Variants in PAX8 observed in about 807,000 individuals in gnomAD.
The protein encoded by PAX8 is paired box protein Pax-8.
PAX8 carries 15 observed loss-of-function variants against 52.4 expected under a neutral mutation model. That is an observed-to-expected ratio of 0.29 (90% CI 0.19 to 0.44). The LOEUF (loss-of-function observed/expected upper bound fraction) is 0.44. PAX8 is among the 20% of genes least tolerant of loss of function. PAX8 has a pLI of 1.00. For synonymous variants in PAX8, 284 were observed against 249.7 expected (o/e 1.14, Z -1.29); for missense variants, 554 against 602.5 (o/e 0.92, Z 0.84).
rs1689195432 is a variant in PAX8, at chr2:113,220,193, C to T, written c.1190-15G>A. On this transcript the variant is annotated splice_polypyrimidine_tract_variant and intron_variant, in intron 10 of 11. Transcript: ENST00000429538. ...GTATTCACTTCCTGTTGGAGGCACA[C>T]AGGGGAGAGGCCTGTGAGGTGAAGG... 1.9e-6 allele frequency: 3 copies of T among 1,603,534 alleles called. No homozygotes were observed. Among genetic ancestry groups the T allele is most frequent in the Non-Finnish European group, 2.6e-6 (3 of 1,170,750 alleles).
chr2:113,235,652 A>G lies in PAX8; in HGVS notation c.899-70T>C, dbSNP rs1690227020. On this transcript the variant is annotated intron_variant, in intron 8 of 11. Coordinates refer to ENST00000429538, the MANE Select transcript of PAX8 (RefSeq NM_003466.4). ...GCGGGGAGGGAACACGCACAAGCCAAGCCGTGGGATGTGGAGGGTGCGGGC... is the reference window on the plus strand; with the variant it reads ...GCGGGGAGGGAACACGCACAAGCCAGGCCGTGGGATGTGGAGGGTGCGGGC... The G allele has an allele frequency of 2.2e-6, 3 of 1,341,988 alleles. No individual in the cohort carries two copies. The African/African-American group carries it at 4.3e-5, about 19-fold the overall frequency. 83.1% of individuals were successfully genotyped at this position (1,341,988 alleles called of 1,614,324 possible).
At chr2:113,254,289 G>A (rs1016783443) in intron 2 of PAX8, among the ~76,000 whole-genome samples, 9 of 152,182 alleles carry the variant, frequency 5.9e-5, no homozygotes, top group African/African-American at 2.2e-4. Flanking sequence ...TTCAGGCTAG[G>A]GATAGGTAGG....
At chr2:113,265,482 C>G (rs1225756734) in intron 2 of PAX8, 1 of 152,588 alleles carries the variant, frequency 6.6e-6, no homozygotes, top group African/African-American at 2.4e-5. Flanking sequence ...TCAGGGCTGA[C>G]TGCTGGTGCC....
At position 113,242,734 on chromosome 2, in the gene PAX8, T is replaced by C. The variant is rs746819745; in HGVS notation, c.434A>G (p.Asp145Gly). Residue 145 changes from aspartate to glycine, a missense_variant, in exon 5 of 12, where the codon GAC becomes GGC. Coordinates refer to ENST00000429538, the MANE Select transcript of PAX8 (RefSeq NM_003466.4). ...CAGGGACTTGGTGGCCACGCAGCTG[T>C]CCATAGGGAGGTTGAATGGTTGCTG... ...KVQQPFNLPM[D>G]SCVATKSLSP... 2.4e-5 allele frequency: 38 copies of C among 1,613,848 alleles called. No individual in the cohort carries two copies. The highest frequency in any genetic ancestry group is 3.2e-5 in the Non-Finnish European group (38 of 1,179,932).
chr2:113,278,500 G>A, intron 1 of PAX8, 31 bp from the exon 2 acceptor site: 2 of 1,533,778 alleles, frequency 1.3e-6, no homozygotes, highest in Non-Finnish European at 1.8e-6. Flanking sequence ...GGCATGAGAT[G>A]CGATGAGATT....
intron 2 of PAX8, among the ~76,000 whole-genome samples, chr2:113,257,458 A>T (rs550755301): frequency 6.6e-6 from 1 of 152,270 alleles, no homozygotes; most frequent in East Asian, 1.9e-4. Flanking sequence ...AGGCAGATAT[A>T]AGAGGGTCTT....
intron 2 of PAX8, among the ~76,000 whole-genome samples, chr2:113,261,882 G>A (rs563721493): frequency 5.1e-4 from 78 of 151,562 alleles, no homozygotes; most frequent in African/African-American, 1.7e-3. Context: ...GAAGTGGTGC[G>A]ATCTCGGCTC....
intron 9 of PAX8, among the ~76,000 whole-genome samples, chr2:113,228,904 T>G (rs1689735612): frequency 6.6e-6 from 1 of 152,236 alleles, no homozygotes; most frequent in Non-Finnish European, 1.5e-5. Context: ...AATACTGCAG[T>G]GACTACCTCC....
chr2:113,255,474 TGAA>T (rs1692185690), intron 2 of PAX8: 1 of 152,456 alleles, frequency 6.6e-6, no homozygotes, highest in Non-Finnish European at 1.5e-5. Flanking sequence ...GCCCTGCTTC[TGAA>T]GGAGTCAGGG....
At chr2:113,248,534 G>A (rs1691506821) in intron 2 of PAX8, among the ~76,000 whole-genome samples, 1 of 152,216 alleles carries the variant, frequency 6.6e-6, no homozygotes, top group African/African-American at 2.4e-5. Flanking sequence ...TTATGGCCGA[G>A]GGTGGGAAGT....
chr2:113,273,607 G>A (rs971762990), intron 2 of PAX8: 1 of 152,088 alleles, frequency 6.6e-6, no homozygotes, highest in Non-Finnish European at 1.5e-5. Context: ...CTTTATCTCT[G>A]GACAATATAT....
chr2:113,221,624 G>A (rs1689277341), intron 10 of PAX8, among the ~76,000 whole-genome samples: 1 of 152,212 alleles, frequency 6.6e-6, no homozygotes, highest in South Asian at 2.1e-4. Flanking sequence ...TATACAGGGA[G>A]TGCTCAATAA....
chr2:113,257,453 G>T (rs964694715), intron 2 of PAX8, among the ~76,000 whole-genome samples: 2 of 152,186 alleles, frequency 1.3e-5, no homozygotes, highest in Non-Finnish European at 2.9e-5. Context: ...GGCTCAGGCA[G>T]ATATAAGAGG....
At chr2:113,254,596 A>C (rs1692049672) in intron 2 of PAX8, among the ~76,000 whole-genome samples, 1 of 152,118 alleles carries the variant, frequency 6.6e-6, no homozygotes, top group African/African-American at 2.4e-5. Context: ...TCACTCCCAT[A>C]TTTAAGAATC....
At chr2:113,245,055 T>TTTTTG (rs34490643) in intron 3 of PAX8, among the ~76,000 whole-genome samples, 195 of 151,030 alleles carry the variant, frequency 1.3e-3, no homozygotes, top group Non-Finnish European at 2.0e-3. Flanking sequence ...GTTTTTTTTT[T>TTTTTG]TTGTTTTTTG....
chr2:113,229,758 C>T (rs1255531971), intron 9 of PAX8, among the ~76,000 whole-genome samples: 2 of 152,210 alleles, frequency 1.3e-5, no homozygotes, highest in Non-Finnish European at 2.9e-5. Context: ...CCCTCAAACT[C>T]AGCCCCCTTG....
chr2:113,274,773 T>C (rs1415734856), intron 2 of PAX8: 1 of 152,226 alleles, frequency 6.6e-6, no homozygotes, highest in African/African-American at 2.4e-5. Context: ...TGATTTCATT[T>C]TTTCTGGGCA....
intron 9 of PAX8, among the ~76,000 whole-genome samples, chr2:113,229,995 C>A (rs1206225663): frequency 1.3e-5 from 2 of 152,184 alleles, no homozygotes; most frequent in Admixed American, 6.5e-5. Context: ...TGAAAGACAG[C>A]CACTTAATTC....
chr2:113,254,851 G>C (rs1179364767), intron 2 of PAX8, among the ~76,000 whole-genome samples: 1 of 152,108 alleles, frequency 6.6e-6, no homozygotes, highest in African/African-American at 2.4e-5. Flanking sequence ...TCTCCAGATT[G>C]ATTTCCATTC....
Sources: allele counts gnomAD v4.1 joint callset (sites outside exome capture counted in the v4.1 genomes callset), GRCh38; gene constraint gnomAD v4.1.1; transcripts MANE v1.5; gene names NCBI Gene and HGNC (gene_info 2026-07-23, HGNC 2026-07-21).